Variants in NSUN5 observed in about 807,000 individuals in gnomAD.
NSUN5 encodes the protein 28S rRNA (cytosine-C(5))-methyltransferase.
NSUN5 carries 39 observed loss-of-function variants against 51.1 expected under a neutral mutation model. That is an observed-to-expected ratio of 0.76 (90% CI 0.59 to 1.00). The LOEUF (loss-of-function observed/expected upper bound fraction) is 1.00, where lower values mean the gene tolerates loss of function less well. NSUN5 is among the 50% of genes least tolerant of loss of function. The probability of loss-of-function intolerance (pLI) is 0.00; values close to 1 mark genes in which losing one functional copy is unlikely to be tolerated. For synonymous variants in NSUN5, 266 were observed against 271.5 expected, an observed-to-expected ratio of 0.98 and a Z score of 0.20; for missense variants, 526 against 614.0, an observed-to-expected ratio of 0.86 and a Z score of 1.51.
At chr7:73,307,860 C>T in intron 2 of NSUN5, 103 bp from the exon 3 acceptor site, 1 of 1,027,840 alleles carries the variant, frequency 9.7e-7, no homozygotes, top group South Asian at 1.7e-5. Flanking sequence ...AATGGCTAAA[C>T]AGATCACCTG....
intron 4 of NSUN5, among the ~76,000 whole-genome samples, chr7:73,307,139 G>T (rs1804071728): frequency 1.3e-5 from 2 of 152,142 alleles, no homozygotes; most frequent in South Asian, 4.1e-4. Context: ...GTCTACACTG[G>T]GTGGTGAGAA....
Position 73,308,485 on chromosome 7 carries a change from G to T in NSUN5, c.162C>A (p.Ile54=), listed in dbSNP as rs140382841. Reference sequence around the variant, plus strand: ...CCGCACGGAGGAGGCCGGCGCTGGCGATCACAGCATCCAGCACGGCGGAGT... The same window carrying T: ...CCGCACGGAGGAGGCCGGCGCTGGCTATCACAGCATCCAGCACGGCGGAGT... ...QRYSAVLDAV[I]ASAGLLRAEK... is the part of the protein sequence containing the mutation. The change falls in exon 2 of 10, where the codon ATC becomes ATA. Residue 54 remains isoleucine (I), a synonymous_variant. Transcript: ENST00000438747. 1.1e-4 allele frequency: 180 copies of T among 1,608,314 alleles called. No homozygotes were observed. In the African/African-American group the frequency reaches 1.9e-3, roughly 17 times the overall value.
rs34913552 is a variant in NSUN5, at chr7:73,305,051, G to C, written c.547C>G (p.Pro183Ala). ...ALKGKHFLLD[P>A]LMPELLVFPA... is the part of the protein sequence containing the mutation. ...AACACCAGCAGCTCCGGCATCAAGG[G>C]GTCCAGGAGAAAATGCTTCCCCTTG... Residue 183 changes from proline (P) to alanine (A), a missense_variant, in exon 5 of 10, where the codon CCC becomes GCC. Transcript: ENST00000438747. 7 of 1,609,506 alleles carry C rather than the reference G, an allele frequency of 4.3e-6. No individual in the cohort carries two copies. Among genetic ancestry groups the C allele is most frequent in the South Asian group, 1.1e-5 (1 of 90,868 alleles).
chr7:73,308,327 T>G, intron 2 of NSUN5, 104 bp downstream of exon 2: 1 of 1,418,150 alleles, frequency 7.1e-7, no homozygotes, highest in South Asian at 1.4e-5. Flanking sequence ...TCATTTCAGA[T>G]GAGCGACTTG....
rs200246849 is a variant in NSUN5 at position 73,303,690 on chromosome 7, G to A, written c.1196C>T (p.Pro399Leu). 1.3e-4 allele frequency: 211 copies of A among 1,614,056 alleles called. No homozygotes were observed. The highest frequency in any genetic ancestry group is 2.4e-4 in the South Asian group (22 of 91,080). ...AWPHRGLSTF[P>L]GAEHCLRASP... Reference sequence around the variant, plus strand: ...GGCCCGGAGGCAGTGCTCGGCACCCGGGAACGTGCTCAGGCCTCGGTGGGG... The same window carrying A: ...GGCCCGGAGGCAGTGCTCGGCACCCAGGAACGTGCTCAGGCCTCGGTGGGG... Residue 399 changes from proline to leucine, a missense_variant, in exon 9 of 10, where the codon CCG (proline) becomes CTG (leucine). Coordinates refer to ENST00000438747, the MANE Select transcript of NSUN5 (RefSeq NM_148956.4).
rs1803938539 is a variant in NSUN5, at chr7:73,304,223, A to G, written c.934+7T>C. 5 of 1,602,686 alleles carry G rather than the reference A, an allele frequency of 3.1e-6. No homozygotes were observed. The highest frequency in any genetic ancestry group is 2.2e-5 in the East Asian group (1 of 44,756). ...AGTCCCTCGGCCACGCTTTCTCGCC[A>G]TCTCACCCGAGCCACTGCAGGAAGG... is the stretch of plus-strand genomic sequence containing the variant. On this transcript the variant is annotated splice_region_variant and intron_variant, in intron 7 of 9. Transcript: ENST00000438747.
chr7:73,305,988 C>T (rs1400446586), intron 4 of NSUN5, among the ~76,000 whole-genome samples: 1 of 152,044 alleles, frequency 6.6e-6, no homozygotes, highest in East Asian at 1.9e-4. Context: ...GGAGGAGGCA[C>T]GGGGCAGGGA....
chr7:73,307,450 A>T lies in NSUN5; in HGVS notation c.444T>A (p.Asp148Glu), dbSNP rs782502763. ...VRVNTLKTCS[D>E]DVVDYFKRQG... The stretch of plus-strand genomic sequence containing the variant: ...GTCTCTTGAAATAATCAACTACATC[A>T]TCGGAGCAGGTCTTGAGAGTGTTCA... The change falls in exon 4 of 10, where the codon GAT (aspartate) becomes GAA (glutamate). Residue 148 changes from aspartate to glutamate, a missense_variant. Transcript: ENST00000438747. 1 of 1,614,040 alleles carries T rather than the reference A, an allele frequency of 6.2e-7. No individual in the cohort carries two copies. The highest frequency in any genetic ancestry group is 8.5e-7 in the Non-Finnish European group (1 of 1,180,032).
Position 73,305,177 on chromosome 7 carries a change from A to G in NSUN5, c.501-80T>C, listed in dbSNP as rs187992099. 8.9e-4 allele frequency: 1,362 copies of G among 1,525,268 alleles called. 1 individual carries two copies. Among genetic ancestry groups the G allele is most frequent in the Middle Eastern group, 2.1e-3 (9 of 4,384 alleles). The allele number at this position is 1,525,268 out of a possible 1,614,324, so 94.5% of individuals were successfully genotyped here. ...TTTCAACGGTCCATTCATGCAACAA[A>G]TGTTACCACAGCTATGGAGAAATCA... On this transcript the variant is annotated intron_variant, in intron 4 of 9. Transcript: ENST00000438747.
chr7:73,308,152 G>C (rs1554542227), intron 2 of NSUN5: 1 of 470,658 alleles, frequency 2.1e-6, no homozygotes, highest in African/African-American at 2.0e-5. Flanking sequence ...TCCTCCCTCA[G>C]CCTCCCGAGT....
Position 73,304,369 on chromosome 7 carries a change from T to C in NSUN5, c.795A>G (p.Ala265=). The change falls in exon 7 of 10, where the codon GCA becomes GCG. Residue 265 remains alanine (A), a synonymous_variant. Transcript: ENST00000438747. ...CCCGGGCCAGCAGCGTGGCCATGGATGCCAGCCGCTTGGCATCCAGGTCAA... is the reference window on the plus strand; with the variant it reads ...CCCGGGCCAGCAGCGTGGCCATGGACGCCAGCCGCTTGGCATCCAGGTCAA... The part of the protein sequence containing the change: ...FAFDLDAKRL[A]SMATLLARAG... The C allele has an allele frequency of 6.2e-7, 1 of 1,613,656 alleles. No individual in the cohort carries two copies. The highest frequency in any genetic ancestry group is 8.5e-7 in the Non-Finnish European group (1 of 1,179,814).
At chr7:73,305,876 G>C (rs1174885361) in intron 4 of NSUN5, among the ~76,000 whole-genome samples, 1 of 152,178 alleles carries the variant, frequency 6.6e-6, no homozygotes, top group Non-Finnish European at 1.5e-5. Context: ...CATGGTAGAG[G>C]CAGAAGGAAG....
chr7:73,308,589 C>T, intron 1 of NSUN5, 36 bp from the exon 2 acceptor site: 2 of 1,588,650 alleles, frequency 1.3e-6, no homozygotes, highest in Non-Finnish European at 1.7e-6. Flanking sequence ...GGTGGGGGCT[C>T]CCCCGGCCCT....
chr7:73,304,295 G>A lies in NSUN5; in HGVS notation c.869C>T (p.Ser290Phe). The A allele has an allele frequency of 2.5e-6, 4 of 1,614,202 alleles. No individual in the cohort carries two copies. Among genetic ancestry groups the A allele is most frequent in the Non-Finnish European group, 3.4e-6 (4 of 1,180,042 alleles). ...ELAEEDFLAV[S>F]PSDPRYHEVH... ...CTCATGGTAGCGTGGATCCGAGGGG[G>A]AGACCGCCAGGAAGTCCTCCTCAGC... The change falls in exon 7 of 10, where the codon TCC (serine) becomes TTC (phenylalanine). Residue 290 changes from serine (S) to phenylalanine (F), a missense_variant. Coordinates refer to ENST00000438747, the MANE Select transcript of NSUN5 (RefSeq NM_148956.4).
intron 4 of NSUN5, among the ~76,000 whole-genome samples, chr7:73,306,036 C>T (rs1471977564): frequency 6.6e-6 from 1 of 152,060 alleles, no homozygotes; most frequent in Non-Finnish European, 1.5e-5. Context: ...CACGCAGCAC[C>T]GTGGCAGATG....
At chr7:73,307,124 G>C (rs1554541910) in intron 4 of NSUN5, among the ~76,000 whole-genome samples, 1 of 152,180 alleles carries the variant, frequency 6.6e-6, no homozygotes, top group Non-Finnish European at 1.5e-5. Flanking sequence ...GAATGCAAGA[G>C]GGAAGTCTAC....
rs1803903693 is a variant in NSUN5 at position 73,303,732 on chromosome 7, G to A, written c.1154C>T (p.Pro385Leu). The A allele has an allele frequency of 1.2e-6, 2 of 1,613,936 alleles. No homozygotes were observed. Residue 385 changes from proline (P) to leucine (L), a missense_variant, in exon 9 of 10, where the codon CCC becomes CTC. Pro to Leu is a moderately conservative substitution (Grantham distance 98). Coordinates refer to ENST00000438747, the MANE Select transcript of NSUN5 (RefSeq NM_148956.4). ...QQNPGAFRLA[P>L]ALPAWPHRGL... The stretch of plus-strand genomic sequence containing the variant: ...TCGGTGGGGCCAGGCAGGCAGGGCG[G>A]GAGCTAGCCTGCAAGAGAAACGGCC...
intron 3 of NSUN5, 33 bp downstream of exon 3, chr7:73,307,550 G>GCCGCCCCCCCCC: frequency 8.6e-7 from 1 of 1,165,554 alleles, no homozygotes; most frequent in Non-Finnish European, 1.3e-6. Context: ...AAAGTTCCCC[G>GCCGCCCCCCCCC]CCTCCCCCAC....
chr7:73,303,933 G>A lies in NSUN5; in HGVS notation c.1038C>T (p.Leu346=), dbSNP rs1167107641. The change falls in exon 8 of 10, where the codon CTC becomes CTT. Residue 346 remains leucine (L), a synonymous_variant. Coordinates refer to ENST00000438747, the MANE Select transcript of NSUN5 (RefSeq NM_148956.4). ...CGAGCCGCTGCAGGGAAGGGAAAGT[G>A]AGTGCGTGGCACAGGGCTCGCTGCT... ...GFQQRALCHA[L]TFPSLQRLVY... 2 of 1,614,040 alleles carry A rather than the reference G, an allele frequency of 1.2e-6. No individual in the cohort carries two copies. Among genetic ancestry groups the A allele is most frequent in the East Asian group, 4.5e-5 (2 of 44,876 alleles).
Sources: allele counts gnomAD v4.1 joint callset (sites outside exome capture counted in the v4.1 genomes callset), GRCh38; gene constraint gnomAD v4.1.1; transcripts MANE v1.5; gene names NCBI Gene and HGNC (gene_info 2026-07-23, HGNC 2026-07-21).